The following SHOC1 variants were observed in gnomAD, a reference collection of about 807,000 sequenced individuals.
SHOC1 encodes the protein shortage in chiasmata 1.
A neutral mutation model predicts 179.2 loss-of-function variants in SHOC1; 136 were observed. That is an observed-to-expected ratio of 0.76 (90% CI 0.66 to 0.87). SHOC1 has a LOEUF of 0.87. Among genes scored for constraint, SHOC1 ranks in the 40% least tolerant of loss-of-function variants. The probability of loss-of-function intolerance (pLI) is 0.00; values close to 1 mark genes in which losing one functional copy is unlikely to be tolerated. For synonymous variants in SHOC1, 489 were observed against 586.6 expected (o/e 0.83, Z 2.41); for missense variants, 1,538 against 1,700.8 (o/e 0.90, Z 1.68).
At chr9:111,743,848 A>G (rs1459598125) in intron 10 of SHOC1, among the ~76,000 whole-genome samples, 2 of 152,202 alleles carry the variant, frequency 1.3e-5, no homozygotes, top group African/African-American at 4.8e-5. Flanking sequence ...TTTTTAAAAT[A>G]TGGATTTTTA....
chr9:111,708,818 T>G (rs1232050741), intron 18 of SHOC1, among the ~76,000 whole-genome samples: 1 of 152,232 alleles, frequency 6.6e-6, no homozygotes, highest in Non-Finnish European at 1.5e-5. Context: ...ACACAATTTA[T>G]TTTTGGTAGA....
At position 111,694,371 on chromosome 9, in the gene SHOC1, T is replaced by A. The variant is rs1176271901; in HGVS notation, c.3184-9A>T. The A allele has an allele frequency of 1.3e-6, 2 of 1,591,812 alleles. No homozygotes were observed. The highest frequency in any genetic ancestry group is 2.7e-5 in the African/African-American group (2 of 74,160). ...CCTGGGGCAATTATAAGCTAAAAAA[T>A]ATTTTTTATGTTAGATTATAGGAAA... On this transcript the variant is annotated splice_polypyrimidine_tract_variant and intron_variant, in intron 24 of 27. Coordinates refer to ENST00000682961, the MANE Select transcript of SHOC1 (RefSeq NM_001378211.1).
chr9:111,785,920 CA>C lies in SHOC1; in HGVS notation c.160del (p.Trp54GlyfsTer12). On this transcript the variant is annotated frameshift_variant, in exon 3 of 28. Coordinates refer to ENST00000682961, the MANE Select transcript of SHOC1 (RefSeq NM_001378211.1). LOFTEE classifies it high-confidence loss of function. ...AATGAAAACAAACATACCTCTCGTCCATGGCCTCCTAAATTTATTATCAGTA... is the reference window on the plus strand; with the variant it reads ...AATGAAAACAAACATACCTCTCGTCCTGGCCTCCTAAATTTATTATCAGTA... ...AVTDNKFRRPWTRVSAVSVPG... is the reference protein window; with the variant it reads ...AVTDNKFRRPXTRVSAVSVPG... 6.8e-7 allele frequency: 1 copy of C among 1,476,806 alleles called. No homozygotes were observed. 91.5% of individuals were successfully genotyped at this position (1,476,806 alleles called of 1,614,324 possible). A position where few individuals can be genotyped will look rare whatever the true frequency, so the allele number is the denominator to read the frequency against.
At chr9:111,748,851 C>T (rs1834427643) in intron 8 of SHOC1, among the ~76,000 whole-genome samples, 1 of 127,234 alleles carries the variant, frequency 7.9e-6, no homozygotes. Flanking sequence ...TCCTTTGTTT[C>T]CAGCTGTCTG....
At chr9:111,733,727 G>A (rs981856221) in intron 12 of SHOC1, among the ~76,000 whole-genome samples, 1 of 152,078 alleles carries the variant, frequency 6.6e-6, no homozygotes, top group Non-Finnish European at 1.5e-5. Context: ...AATTAGCCAG[G>A]CACGGTGGCG....
At chr9:111,690,378 C>A (rs1460345489) in intron 27 of SHOC1, among the ~76,000 whole-genome samples, 1 of 152,130 alleles carries the variant, frequency 6.6e-6, no homozygotes, top group Admixed American at 6.5e-5. Context: ...GTGAACCAAT[C>A]ATGCCACTGC....
chr9:111,766,598 G>GT (rs201290479), intron 5 of SHOC1, among the ~76,000 whole-genome samples: 541 of 150,476 alleles, frequency 3.6e-3, no homozygotes, highest in Non-Finnish European at 5.5e-3. Context: ...ATTTCATTGT[G>GT]TTTTTTTTTG....
At chr9:111,769,986 G>GTTTTATTTTTATTTTTTTTTTCTTTTTT (rs1835522264) in intron 5 of SHOC1, among the ~76,000 whole-genome samples, 1 of 77,662 alleles carries the variant, frequency 1.3e-5, no homozygotes, top group African/African-American at 6.6e-5. Context: ...TTTTTTTTTT[G>GTTTTATTTTTATTTTTTTTTTCTTTTTT]TTTTTTTTTT....
chr9:111,714,870 A>G (rs889260187), intron 16 of SHOC1, among the ~76,000 whole-genome samples: 4 of 152,096 alleles, frequency 2.6e-5, no homozygotes, highest in Admixed American at 2.6e-4. Context: ...TAAATACATA[A>G]CCTATCCTGC....
chr9:111,767,370 TGGTGAGAGATAG>T (rs1269051398), intron 5 of SHOC1, among the ~76,000 whole-genome samples: 1 of 152,204 alleles, frequency 6.6e-6, no homozygotes, highest in Admixed American at 6.5e-5. Context: ...TTTTTGTGCA[TGGTGAGAGATAG>T]GGATCTAGTT....
chr9:111,717,364 C>A (rs1001964687), intron 16 of SHOC1, among the ~76,000 whole-genome samples: 1 of 151,994 alleles, frequency 6.6e-6, no homozygotes, highest in Non-Finnish European at 1.5e-5. Context: ...GAGGCCAAGG[C>A]GGGTGGATCA....
rs957975391 is a variant in SHOC1, at chr9:111,785,981, A to C, written c.100T>G (p.Cys34Gly). 2.0e-6 allele frequency: 3 copies of C among 1,529,020 alleles called. No homozygotes were observed. In the African/African-American group the frequency reaches 4.2e-5, roughly 21 times the overall value. The allele number at this position is 1,529,020 out of a possible 1,614,324, so 94.7% of individuals were successfully genotyped here. Reference sequence around the variant, plus strand: ...TGGTAACTTTCATCTTGATATAAACATGAAGGGATTCGAAGCAATAAAGCA... The same window carrying C: ...TGGTAACTTTCATCTTGATATAAACCTGAAGGGATTCGAAGCAATAAAGCA... ...RDALLLRIPS[C>G]LYQDESYHVA... Residue 34 changes from cysteine (C) to glycine (G), a missense_variant, in exon 3 of 28, where the codon TGT becomes GGT. By Grantham distance (159) the Cys-to-Gly change is radical. Transcript: ENST00000682961.
chr9:111,699,456 G>A (rs1831859614), intron 24 of SHOC1, among the ~76,000 whole-genome samples: 1 of 152,112 alleles, frequency 6.6e-6, no homozygotes, highest in African/African-American at 2.4e-5. Context: ...CAAAATCTGT[G>A]GGAATCTCTA....
Position 111,713,184 on chromosome 9 carries a change from T to A in SHOC1, c.2416-12A>T. 1 of 1,419,212 alleles carries A rather than the reference T, an allele frequency of 7.0e-7. No homozygotes were observed. Among genetic ancestry groups the A allele is most frequent in the Non-Finnish European group, 9.7e-7 (1 of 1,026,452 alleles). 87.9% of individuals were successfully genotyped at this position (1,419,212 alleles called of 1,614,324 possible). A position where few individuals can be genotyped will look rare whatever the true frequency, so the allele number is the denominator to read the frequency against. ...ATTATAATCAGTACCTAGTCAAAAA[T>A]AAAAATTTCATATATATGTGGATGA... On this transcript the variant is annotated splice_polypyrimidine_tract_variant and intron_variant, in intron 17 of 27. Transcript: ENST00000682961.
chr9:111,731,204 A>C (rs943348319), intron 12 of SHOC1, among the ~76,000 whole-genome samples: 7 of 152,142 alleles, frequency 4.6e-5, no homozygotes, highest in Admixed American at 2.0e-4. Context: ...AGACTATTTA[A>C]CTTTCTTATC....
chr9:111,788,999 T>C (rs992547186), intron 2 of SHOC1, among the ~76,000 whole-genome samples: 1 of 152,214 alleles, frequency 6.6e-6, no homozygotes, highest in African/African-American at 2.4e-5. Context: ...CGCCCTGTTA[T>C]TCTTCTCTAT....
chr9:111,723,795 A>G lies in SHOC1; in HGVS notation c.1951T>C (p.Ser651Pro). 2 of 1,611,164 alleles carry G rather than the reference A, an allele frequency of 1.2e-6. No homozygotes were observed. Among genetic ancestry groups the G allele is most frequent in the Non-Finnish European group, 1.7e-6 (2 of 1,179,478 alleles). The change falls in exon 14 of 28, where the codon TCA (serine) becomes CCA (proline). Residue 651 changes from serine (S) to proline (P), a missense_variant. Coordinates refer to ENST00000682961, the MANE Select transcript of SHOC1 (RefSeq NM_001378211.1). ...GTDSVIEIQA[S>P]DSQCQAFCLL... The stretch of plus-strand genomic sequence containing the variant: ...ATTTTAAAAGCATATAACATACCTG[A>G]CGCTTGAATTTCAATGACACTATCT...
At chr9:111,722,894 C>T (rs1018678781) in intron 14 of SHOC1, among the ~76,000 whole-genome samples, 2 of 152,068 alleles carry the variant, frequency 1.3e-5, no homozygotes, top group African/African-American at 2.4e-5. Flanking sequence ...CTCCGTCTCC[C>T]GGATTCAAGC....
intron 8 of SHOC1, among the ~76,000 whole-genome samples, chr9:111,751,486 T>C (rs1299638030): frequency 6.6e-6 from 1 of 152,212 alleles, no homozygotes; most frequent in Non-Finnish European, 1.5e-5. Flanking sequence ...CAATGCATTA[T>C]CATTAATTTT....
Sources: allele counts gnomAD v4.1 joint callset (sites outside exome capture counted in the v4.1 genomes callset), GRCh38; gene constraint gnomAD v4.1.1; transcripts MANE v1.5; gene names NCBI Gene and HGNC (gene_info 2026-07-23, HGNC 2026-07-21).